The following ARHGEF7 variants were observed in gnomAD, a reference collection of about 807,000 sequenced individuals.
ARHGEF7 encodes PAK-interacting exchange factor beta.
A neutral mutation model predicts 109.8 loss-of-function variants in ARHGEF7; 33 were observed. The ratio of observed to expected loss-of-function variants is 0.30; its 90% confidence interval spans 0.23 to 0.40. The LOEUF (loss-of-function observed/expected upper bound fraction) is 0.40, where lower values mean the gene tolerates loss of function less well. Ranked by LOEUF, ARHGEF7 falls within the 10% of genes least tolerant of loss-of-function variation. ARHGEF7 has a pLI of 1.00. For missense variants in ARHGEF7, 938 were observed against 1,098.5 expected, an observed-to-expected ratio of 0.85 and a Z score of 2.07; for synonymous variants, 458 against 424.6, an observed-to-expected ratio of 1.08 and a Z score of -0.97.
rs1185345255 is a variant in ARHGEF7, at chr13:111,228,396, C to T, written c.671-4809C>T. On this transcript the variant is annotated intron_variant, in intron 5 of 21. Transcript: ENST00000646102. The surrounding 1 kb of genome is among the most constrained non-coding windows in gnomAD (Gnocchi z 4.6). ...AGAAGAAAAGCTCCCTTTGCTAACA[C>T]TGAAGTGTTGGTGAGTGGAGATGAC... Among the ~76,000 whole-genome samples the T allele has an allele frequency of 6.6e-6, 1 of 152,208 alleles. No individual in the cohort carries two copies. The highest frequency in any genetic ancestry group is 6.5e-5 in the Admixed American group (1 of 15,284).
At chr13:111,297,178 A>G (rs182813718) in intron 19 of ARHGEF7, among the ~76,000 whole-genome samples, 11 of 152,384 alleles carry the variant, frequency 7.2e-5, no homozygotes, top group Admixed American at 5.2e-4. Flanking sequence ...TTTGAAAGGT[A>G]GTAAAAACTT....
intron 6 of ARHGEF7, among the ~76,000 whole-genome samples, chr13:111,236,702 C>G (rs1037063196): frequency 2.6e-5 from 4 of 152,156 alleles, no homozygotes; most frequent in Non-Finnish European, 5.9e-5. Flanking sequence ...TATTACGGCT[C>G]ACACCTGTAA....
At chr13:111,186,988 C>G in intron 2 of ARHGEF7, 1 of 985,718 alleles carries the variant, frequency 1.0e-6, no homozygotes, top group Non-Finnish European at 1.2e-6. Flanking sequence ...CTTTTGCTCT[C>G]GTGTCAGTAC....
At chr13:111,240,852 T>A (rs1358447280) in intron 6 of ARHGEF7, among the ~76,000 whole-genome samples, 1 of 152,176 alleles carries the variant, frequency 6.6e-6, no homozygotes, top group East Asian at 1.9e-4. Flanking sequence ...CAAAAAAAAT[T>A]AATGTTCTTT....
At chr13:111,188,554 T>C (rs1398207741) in intron 2 of ARHGEF7, among the ~76,000 whole-genome samples, 1 of 152,220 alleles carries the variant, frequency 6.6e-6, no homozygotes, top group Non-Finnish European at 1.5e-5. Flanking sequence ...TGCGAAAGAA[T>C]GTGCTCCTTC....
intron 6 of ARHGEF7, among the ~76,000 whole-genome samples, chr13:111,235,153 T>A (rs1484379875): frequency 6.6e-6 from 1 of 152,140 alleles, no homozygotes; most frequent in Non-Finnish European, 1.5e-5. Flanking sequence ...TTCCAAAGGG[T>A]GTGTTACCTT....
At chr13:111,151,448 C>G (rs539132717) in intron 1 of ARHGEF7, among the ~76,000 whole-genome samples, 1 of 152,324 alleles carries the variant, frequency 6.6e-6, no homozygotes, top group Admixed American at 6.5e-5. Context: ...GGCTTTCAGC[C>G]TCACAACAAT....
chr13:111,161,806 C>G (rs1594129815), intron 2 of ARHGEF7, among the ~76,000 whole-genome samples: 1 of 152,054 alleles, frequency 6.6e-6, no homozygotes, highest in East Asian at 1.9e-4. Flanking sequence ...ATCATAGATA[C>G]ATGTAATGTT....
At position 111,281,826 on chromosome 13, in the gene ARHGEF7, G is replaced by A. The variant is rs115920448; in HGVS notation, c.1725+1149G>A. Among the ~76,000 whole-genome samples, 419 of 152,288 alleles carry A rather than the reference G, an allele frequency of 2.8e-3. 5 individuals are homozygous for A. Among genetic ancestry groups the A allele is most frequent in the African/African-American group, 9.6e-3 (398 of 41,562 alleles). On this transcript the variant is annotated intron_variant, in intron 15 of 21. Transcript: ENST00000646102. ...GTGGCTGGGAAGGCATCCCTTCAGC[G>A]GGGAAGGCACTGTGCCTCATGTTTA... is the stretch of plus-strand genomic sequence containing the variant.
At chr13:111,154,012 G>A (rs1485367267) in intron 2 of ARHGEF7, 21 bp downstream of exon 2, 17 of 1,590,528 alleles carry the variant, frequency 1.1e-5, no homozygotes, top group South Asian at 2.2e-5. Flanking sequence ...GCGGCCACGG[G>A]CCGAGGGAGG....
rs1431910890 is a variant in ARHGEF7, at chr13:111,277,791, C to T, written c.1506+118C>T. 5 of 671,116 alleles carry T rather than the reference C, an allele frequency of 7.5e-6. No individual in the cohort carries two copies. In the African/African-American group the frequency reaches 9.0e-5, roughly 12 times the overall value. 41.6% of individuals were successfully genotyped at this position (671,116 alleles called of 1,614,324 possible). A position where few individuals can be genotyped will look rare whatever the true frequency, so the allele number is the denominator to read the frequency against. On this transcript the variant is annotated intron_variant, in intron 13 of 21. Coordinates refer to ENST00000646102, the MANE Select transcript of ARHGEF7 (RefSeq NM_001354046.2). ...CTGTGTATGTGCTGTGTGTGTAGTG[C>T]TGTATATTCAGATATGGACGTACAG...
At chr13:111,148,720 G>A (rs1595039040) in intron 1 of ARHGEF7, among the ~76,000 whole-genome samples, 1 of 152,212 alleles carries the variant, frequency 6.6e-6, no homozygotes, top group African/African-American at 2.4e-5. Flanking sequence ...GTAACAAAGA[G>A]ACAATGAGAA....
intron 2 of ARHGEF7, among the ~76,000 whole-genome samples, chr13:111,178,258 A>G (rs1055255263): frequency 6.6e-6 from 1 of 152,254 alleles, no homozygotes; most frequent in Non-Finnish European, 1.5e-5. Flanking sequence ...GGAACCAGCG[A>G]GAGAACAGGT....
intron 2 of ARHGEF7, among the ~76,000 whole-genome samples, chr13:111,201,323 A>G (rs1178540995): frequency 6.6e-6 from 1 of 152,214 alleles, no homozygotes; most frequent in African/African-American, 2.4e-5. Flanking sequence ...AGGGCAAGAT[A>G]ATTTTCCTAA....
At chr13:111,222,611 G>T (rs924228321) in intron 5 of ARHGEF7, among the ~76,000 whole-genome samples, 1 of 152,128 alleles carries the variant, frequency 6.6e-6, no homozygotes, top group African/African-American at 2.4e-5. Context: ...TGTATTTTTA[G>T]TAGAGATAGG....
At chr13:111,130,934 G>C (rs2074712315) in intron 1 of ARHGEF7, among the ~76,000 whole-genome samples, 1 of 152,256 alleles carries the variant, frequency 6.6e-6, no homozygotes, top group Admixed American at 6.5e-5. Context: ...GCTGGGAGTG[G>C]CGAGGAAAGG....
chr13:111,190,626 ACCCTATAAG>A (rs1188690837), intron 2 of ARHGEF7, among the ~76,000 whole-genome samples: 3 of 152,138 alleles, frequency 2.0e-5, no homozygotes, highest in Non-Finnish European at 4.4e-5. Context: ...GCCATTCTTA[ACCCTATAAG>A]TAGGGGTATT....
At chr13:111,227,785 GTC>G (rs2085413649) in intron 5 of ARHGEF7, among the ~76,000 whole-genome samples, 1 of 152,152 alleles carries the variant, frequency 6.6e-6, no homozygotes, top group African/African-American at 2.4e-5. Flanking sequence ...AGATGCTTTA[GTC>G]TTATTTGTAT....
rs143956514 is a variant in ARHGEF7, at chr13:111,290,725, C to T, written c.2135-1393C>T. ...TCTCCTGTGCAAGAAAAGCATTGAACGATACATTGATTTTTGTTTTTAATT... is the reference window on the plus strand; with the variant it reads ...TCTCCTGTGCAAGAAAAGCATTGAATGATACATTGATTTTTGTTTTTAATT... On this transcript the variant is annotated intron_variant, in intron 18 of 21. Transcript: ENST00000646102. Among the ~76,000 whole-genome samples, 17 of 152,304 alleles carry T rather than the reference C, an allele frequency of 1.1e-4. No homozygotes were observed. The East Asian group carries it at 1.9e-3, about 17-fold the overall frequency.
Sources: gnomAD v4.1 joint callset for allele counts (sites outside exome capture counted in the v4.1 genomes callset) on GRCh38, gnomAD v4.1.1 for gene constraint, Gnocchi (gnomAD v3.1) non-coding constraint, MANE v1.5 for transcripts, NCBI Gene and HGNC (gene_info 2026-07-23, HGNC 2026-07-21) for gene names.